Variants in ATP2B1 observed in about 807,000 individuals in gnomAD.
ATP2B1 encodes ATPase plasma membrane Ca2+ transporting 1.
In ATP2B1, 14 loss-of-function variants were observed where a neutral mutation model predicts 124.2. That is an observed-to-expected ratio of 0.11 (90% CI 0.07 to 0.18). The LOEUF is 0.18. ATP2B1 is among the 10% of genes least tolerant of loss of function. ATP2B1 has a pLI of 1.00. For missense variants in ATP2B1, 763 were observed against 1,466.1 expected, an observed-to-expected ratio of 0.52 and a Z score of 7.83; for synonymous variants, 449 against 492.4, an observed-to-expected ratio of 0.91 and a Z score of 1.17.
In ATP2B1 at chr12:89,670,966, A is replaced by AG. The variant is rs1555205971; in HGVS notation, c.-221-14860dup. ...GCCTTATACATTAAAAAAAAAAAAA[A>AG]GGGGTGGGGGGGCTCAGACCTCATC... is the stretch of plus-strand genomic sequence containing the variant. On this transcript the variant is annotated intron_variant, in intron 1 of 20. Coordinates refer to ENST00000428670, the MANE Select transcript of ATP2B1 (RefSeq NM_001366521.1). 1.7e-3 allele frequency among the ~76,000 whole-genome samples: 245 copies of AG among 140,510 alleles called. No individual in the cohort carries two copies. The East Asian group carries it at 0.023, about 13-fold the overall frequency. The allele number at this position is 140,510 out of a possible 152,430, so 92.2% of individuals were successfully genotyped here. A position where few individuals can be genotyped will look rare whatever the true frequency, so the allele number is the denominator to read the frequency against.
chr12:89,658,530 G>GT (rs35361273), intron 1 of ATP2B1, among the ~76,000 whole-genome samples: 22 of 145,464 alleles, frequency 1.5e-4, no homozygotes, highest in South Asian at 1.3e-3. Flanking sequence ...TAATAAAACT[G>GT]TTTTTTTTTA....
At chr12:89,592,057 TGTTAAAAGTTTTC>T (rs1873677303) in intron 20 of ATP2B1, among the ~76,000 whole-genome samples, 1 of 152,076 alleles carries the variant, frequency 6.6e-6, no homozygotes, top group Non-Finnish European at 1.5e-5. Flanking sequence ...AGACACAAAG[TGTTAAAAGTTTTC>T]TAGTATTTTC....
At chr12:89,697,759 T>A (rs1891326268) in intron 1 of ATP2B1, among the ~76,000 whole-genome samples, 1 of 147,048 alleles carries the variant, frequency 6.8e-6, no homozygotes, top group Non-Finnish European at 1.5e-5. Context: ...GTCCTCTTAG[T>A]CCCCCATCCC....
intron 1 of ATP2B1, among the ~76,000 whole-genome samples, chr12:89,689,748 C>A (rs1297366139): frequency 6.6e-6 from 1 of 152,046 alleles, no homozygotes; most frequent in African/African-American, 2.4e-5. Context: ...AGGGAGATAC[C>A]TTTTGTATCC....
Position 89,603,501 on chromosome 12 carries a change from C to T in ATP2B1, c.2848+211G>A. ...TTAGTGGAGAGCCAGGGTAAGACAT[C>T]AGGACTGTTTATTCTCCTGTTTATT... is the stretch of plus-strand genomic sequence containing the variant. On this transcript the variant is annotated intron_variant, in intron 17 of 20. Transcript: ENST00000428670. This position sits in a 1 kb window ranked among gnomAD's most constrained non-coding sequence, Gnocchi z 4.3. 9.4e-6 allele frequency: 6 copies of T among 639,740 alleles called. No homozygotes were observed. The South Asian group carries it at 1.0e-4, about 11-fold the overall frequency. The allele number at this position is 639,740 out of a possible 1,614,324, so 39.6% of individuals were successfully genotyped here.
intron 8 of ATP2B1, among the ~76,000 whole-genome samples, chr12:89,625,828 A>G (rs888928071): frequency 2.0e-5 from 3 of 152,134 alleles, no homozygotes; most frequent in Non-Finnish European, 4.4e-5. Context: ...TTTTTCCATC[A>G]TACTCCTAGA....
At chr12:89,605,629 A>G (rs1048578975) in intron 15 of ATP2B1, among the ~76,000 whole-genome samples, 4 of 152,204 alleles carry the variant, frequency 2.6e-5, no homozygotes, top group African/African-American at 9.6e-5. Context: ...ATCACAATAC[A>G]AAATGGACAA....
At chr12:89,675,093 T>C (rs1001317422) in intron 1 of ATP2B1, among the ~76,000 whole-genome samples, 4 of 152,198 alleles carry the variant, frequency 2.6e-5, no homozygotes, top group Non-Finnish European at 5.9e-5. Context: ...GGAATTTTAA[T>C]CCAGAAGTGT....
intron 2 of ATP2B1, among the ~76,000 whole-genome samples, chr12:89,652,764 G>T (rs1460200861): frequency 6.6e-6 from 1 of 152,068 alleles, no homozygotes; most frequent in Non-Finnish European, 1.5e-5. Flanking sequence ...TTGAGACAGG[G>T]TCTCCCTCTG....
chr12:89,629,394 C>T (rs1881481036), intron 6 of ATP2B1, among the ~76,000 whole-genome samples: 1 of 152,150 alleles, frequency 6.6e-6, no homozygotes, highest in Non-Finnish European at 1.5e-5. Context: ...GGAATCATTA[C>T]TGTGCTGGTT....
chr12:89,596,900 C>T (rs892470982), intron 20 of ATP2B1, among the ~76,000 whole-genome samples: 2 of 152,042 alleles, frequency 1.3e-5, no homozygotes, highest in Admixed American at 6.6e-5. Flanking sequence ...GTTTATTCCT[C>T]TTTTAGTACC....
chr12:89,645,189 T>C (rs1191351817), intron 2 of ATP2B1, among the ~76,000 whole-genome samples: 1 of 152,152 alleles, frequency 6.6e-6, no homozygotes, highest in Non-Finnish European at 1.5e-5. Flanking sequence ...AGTTCATAAA[T>C]CATAAACAGG....
At chr12:89,707,292 C>T (rs981772544) in intron 1 of ATP2B1, among the ~76,000 whole-genome samples, 1 of 152,180 alleles carries the variant, frequency 6.6e-6, no homozygotes, top group African/African-American at 2.4e-5. Flanking sequence ...GAGCCTCATA[C>T]AAACCAGGCC....
At chr12:89,657,933 CTT>C (rs1163649561) in intron 1 of ATP2B1, among the ~76,000 whole-genome samples, 2 of 152,152 alleles carry the variant, frequency 1.3e-5, no homozygotes, top group Non-Finnish European at 2.9e-5. Context: ...GCATTGCCTC[CTT>C]CCTCCCACTT....
chr12:89,602,919 TTA>T (rs1876157185), intron 18 of ATP2B1, 122 bp downstream of exon 18: 1 of 792,144 alleles, frequency 1.3e-6, no homozygotes, highest in Admixed American at 2.7e-5. Flanking sequence ...CACCATGATA[TTA>T]TATATGTCAC....
chr12:89,662,344 C>G (rs966321416), intron 1 of ATP2B1, among the ~76,000 whole-genome samples: 3 of 152,090 alleles, frequency 2.0e-5, no homozygotes, highest in African/African-American at 7.2e-5. Context: ...ATATCTCACT[C>G]TCATAGTGAA....
intron 12 of ATP2B1, among the ~76,000 whole-genome samples, chr12:89,615,941 A>C (rs1354656829): frequency 4.6e-5 from 1 of 21,556 alleles, no homozygotes; most frequent in Non-Finnish European, 2.0e-4. Flanking sequence ...ATAAAGGTAG[A>C]CATTTAAAAA....
intron 1 of ATP2B1, among the ~76,000 whole-genome samples, chr12:89,699,074 C>T (rs1891517071): frequency 6.6e-6 from 1 of 152,184 alleles, no homozygotes; most frequent in African/African-American, 2.4e-5. Context: ...TTTTGCCCCC[C>T]TGTCCCCTCT....
intron 9 of ATP2B1, among the ~76,000 whole-genome samples, 198 bp downstream of exon 9, chr12:89,623,985 G>A (rs1197609208): frequency 6.6e-6 from 1 of 152,128 alleles, no homozygotes; most frequent in African/African-American, 2.4e-5. Flanking sequence ...GCCCTATGTG[G>A]AATGCACAGG....
Sources: gnomAD v4.1 joint callset for allele counts (sites outside exome capture counted in the v4.1 genomes callset) on GRCh38, gnomAD v4.1.1 for gene constraint, Gnocchi (gnomAD v3.1) non-coding constraint, MANE v1.5 for transcripts, NCBI Gene and HGNC (gene_info 2026-07-23, HGNC 2026-07-21) for gene names.